The following PLCB1 variants were observed in gnomAD, a reference collection of about 807,000 sequenced individuals.
PLCB1 encodes 1-phosphatidylinositol 4,5-bisphosphate phosphodiesterase beta-1.
PLCB1 carries 46 observed loss-of-function variants against 161.8 expected under a neutral mutation model. The observed-to-expected ratio is 0.28, with a 90% CI of 0.22 to 0.36. The LOEUF is 0.36. Ranked by LOEUF, PLCB1 falls within the 10% of genes least tolerant of loss-of-function variation. PLCB1 has a pLI of 1.00. For missense variants in PLCB1, 1,016 were observed against 1,472.5 expected, an observed-to-expected ratio of 0.69 and a Z score of 5.07; for synonymous variants, 517 against 503.7, an observed-to-expected ratio of 1.03 and a Z score of -0.35.
intron 2 of PLCB1, among the ~76,000 whole-genome samples, chr20:8,164,524 T>A (rs992158420): frequency 6.6e-6 from 1 of 152,192 alleles, no homozygotes; most frequent in Non-Finnish European, 1.5e-5. Flanking sequence ...CAGGTGCCAT[T>A]TCCATCATTG....
chr20:8,354,090 T>G (rs1986282374), intron 2 of PLCB1, among the ~76,000 whole-genome samples: 1 of 151,250 alleles, frequency 6.6e-6, no homozygotes, highest in East Asian at 1.9e-4. Flanking sequence ...GGTTAGAGAA[T>G]GGAGAGTTAT....
chr20:8,393,052 T>A (rs963553191), intron 3 of PLCB1, among the ~76,000 whole-genome samples: 2 of 152,162 alleles, frequency 1.3e-5, no homozygotes, highest in African/African-American at 4.8e-5. Flanking sequence ...TTAGACAGTA[T>A]GTTTGTTGGT....
intron 3 of PLCB1, among the ~76,000 whole-genome samples, chr20:8,437,872 A>T (rs755056563): frequency 1.3e-5 from 2 of 152,192 alleles, no homozygotes; most frequent in African/African-American, 4.8e-5. Flanking sequence ...CATACATATC[A>T]CTGCAGCCTC....
At chr20:8,382,022 A>G (rs1987269408) in intron 3 of PLCB1, among the ~76,000 whole-genome samples, 1 of 151,954 alleles carries the variant, frequency 6.6e-6, no homozygotes, top group Non-Finnish European at 1.5e-5. Flanking sequence ...CCTTGCTTCT[A>G]TAACTCTTTT....
chr20:8,736,207 T>G (rs566164282), intron 19 of PLCB1, among the ~76,000 whole-genome samples: 2 of 152,354 alleles, frequency 1.3e-5, no homozygotes, highest in East Asian at 3.9e-4. Context: ...ACATCTTGTT[T>G]GCCTCCGCTA....
At chr20:8,299,186 T>G (rs1310875431) in intron 2 of PLCB1, among the ~76,000 whole-genome samples, 1 of 152,146 alleles carries the variant, frequency 6.6e-6, no homozygotes, top group African/African-American at 2.4e-5. Flanking sequence ...TGGCCCCATG[T>G]CTTTCTGCTG....
chr20:8,324,100 A>T (rs1985037108), intron 2 of PLCB1, among the ~76,000 whole-genome samples: 1 of 152,148 alleles, frequency 6.6e-6, no homozygotes, highest in Non-Finnish European at 1.5e-5. Context: ...TATAATCATA[A>T]CACTGGGCTA....
At chr20:8,198,474 G>T (rs2052053476) in intron 2 of PLCB1, among the ~76,000 whole-genome samples, 1 of 152,102 alleles carries the variant, frequency 6.6e-6, no homozygotes, top group East Asian at 1.9e-4. Context: ...GACAGCAATG[G>T]GGCTCTCTTA....
At chr20:8,702,680 G>T (rs1052798695) in intron 11 of PLCB1, among the ~76,000 whole-genome samples, 2 of 152,166 alleles carry the variant, frequency 1.3e-5, no homozygotes, top group Non-Finnish European at 2.9e-5. Flanking sequence ...TGAATCTAGT[G>T]TTACAAGTCT....
At chr20:8,710,489 C>G (rs1443080547) in intron 12 of PLCB1, among the ~76,000 whole-genome samples, 5 of 136,852 alleles carry the variant, frequency 3.7e-5, no homozygotes, top group Non-Finnish European at 7.7e-5. Flanking sequence ...ATTATAGTTT[C>G]GACTTGAGGA....
At chr20:8,408,351 T>G (rs184190849) in intron 3 of PLCB1, among the ~76,000 whole-genome samples, 1 of 151,732 alleles carries the variant, frequency 6.6e-6, no homozygotes, top group Non-Finnish European at 1.5e-5. Context: ...AGTTCAAGGC[T>G]GCAGTACATG....
chr20:8,621,637 A>G (rs2123199054), intron 3 of PLCB1, among the ~76,000 whole-genome samples: 1 of 152,332 alleles, frequency 6.6e-6, no homozygotes, highest in East Asian at 1.9e-4. Flanking sequence ...AAATATCGCT[A>G]AACAAGGTAA....
At chr20:8,770,718 G>A (rs540705324) in intron 26 of PLCB1, among the ~76,000 whole-genome samples, 5 of 152,156 alleles carry the variant, frequency 3.3e-5, no homozygotes, top group Non-Finnish European at 4.4e-5. Flanking sequence ...AGAGACAAAT[G>A]GTTGCATTCT....
intron 3 of PLCB1, among the ~76,000 whole-genome samples, chr20:8,498,058 A>G (rs1328879736): frequency 6.6e-6 from 1 of 152,176 alleles, no homozygotes; most frequent in Non-Finnish European, 1.5e-5. Context: ...GTGTATTCCT[A>G]TAGCCAATAG....
intron 2 of PLCB1, among the ~76,000 whole-genome samples, chr20:8,160,522 C>T (rs992969099): frequency 7.2e-5 from 11 of 152,180 alleles, no homozygotes; most frequent in East Asian, 1.9e-4. Context: ...GTGAGAGGCA[C>T]GTCTCACATG....
At chr20:8,359,321 G>T in intron 2 of PLCB1, among the ~76,000 whole-genome samples, 1 of 152,010 alleles carries the variant, frequency 6.6e-6, no homozygotes, top group East Asian at 1.9e-4. Context: ...TATCAACTTT[G>T]GAGTAGAGCT....
At chr20:8,449,127 G>A (rs1980962489) in intron 3 of PLCB1, among the ~76,000 whole-genome samples, 1 of 152,140 alleles carries the variant, frequency 6.6e-6, no homozygotes, top group South Asian at 2.1e-4. Context: ...TAAAATATAT[G>A]TTTAGAGATA....
At chr20:8,720,790 T>C (rs1293929133) in intron 14 of PLCB1, among the ~76,000 whole-genome samples, 6 of 151,870 alleles carry the variant, frequency 4.0e-5, no homozygotes, top group Admixed American at 3.3e-4. Context: ...AAGTATTTTA[T>C]AGAAAGCTCT....
intron 31 of PLCB1, among the ~76,000 whole-genome samples, chr20:8,822,063 A>G (rs573282052): frequency 4.0e-5 from 6 of 151,310 alleles, no homozygotes; most frequent in African/African-American, 1.5e-4. Context: ...GTGTGGCACC[A>G]TCATTCTGAA....
Sources: allele counts gnomAD v4.1 joint callset (sites outside exome capture counted in the v4.1 genomes callset), GRCh38; gene constraint gnomAD v4.1.1; transcripts MANE v1.5; gene names NCBI Gene and HGNC (gene_info 2026-07-23, HGNC 2026-07-21).